Variants in SLC12A7 observed in about 807,000 individuals in gnomAD.
The protein encoded by SLC12A7 is solute carrier family 12 member 7, also known as K-Cl cotransporter 4.
SLC12A7 carries 100 observed loss-of-function variants against 120.6 expected under a neutral mutation model. That is an observed-to-expected ratio of 0.83 (90% CI 0.71 to 0.98). The LOEUF (loss-of-function observed/expected upper bound fraction) is 0.98. Ranked by LOEUF, SLC12A7 falls within the 50% of genes least tolerant of loss-of-function variation. The probability of loss-of-function intolerance (pLI) is 0.00; values close to 1 mark genes in which losing one functional copy is unlikely to be tolerated. For missense variants in SLC12A7, 1,373 were observed against 1,548.1 expected, an observed-to-expected ratio of 0.89 and a Z score of 1.90; for synonymous variants, 760 against 678.0, an observed-to-expected ratio of 1.12 and a Z score of -1.88.
At chr5:1,155,110 G>A in the SLC12A7 span, among the ~76,000 whole-genome samples, 3 of 34,382 alleles carry the variant, frequency 8.7e-5, no homozygotes, top group East Asian at 5.7e-4. Flanking sequence ...CAGGCCCCTC[G>A]CCCACCTCAG....
In SLC12A7 at chr5:1,084,552, G is replaced by A. The variant is rs868848085; in HGVS notation, c.918-596C>T. On this transcript the variant is annotated intron_variant, in intron 7 of 23. Transcript: ENST00000264930. ...TGTACGTGGAAAACAGTCTACACAG[G>A]GCCGTAGCGTCAAGCATCGGCAGGG... 9.8e-5 allele frequency among the ~76,000 whole-genome samples: 15 copies of A among 152,328 alleles called. No homozygotes were observed. The Middle Eastern group carries it at 0.01, about 104-fold the overall frequency.
intron 18 of SLC12A7, among the ~76,000 whole-genome samples, chr5:1,064,693 GTGAGGGGACGGTGAGGGGA>G (rs1736732505): frequency 6.6e-6 from 1 of 151,652 alleles, no homozygotes; most frequent in Admixed American, 6.6e-5. Flanking sequence ...TGAAGGGACA[GTGAGGGGACGGTGAGGGGA>G]CAGCGAGGAG....
chr5:1,110,992 C>A (rs1742957195), intron 1 of SLC12A7, among the ~76,000 whole-genome samples: 1 of 152,228 alleles, frequency 6.6e-6, no homozygotes, highest in Admixed American at 6.5e-5. Flanking sequence ...CTGGACAGAC[C>A]TCACCTTCCT....
At position 1,073,712 on chromosome 5, in the gene SLC12A7, C is replaced by T; in HGVS notation, c.2162G>A (p.Gly721Asp). The change falls in exon 17 of 24, where the codon GGC becomes GAC. Residue 721 changes from glycine (G) to aspartate (D), a missense_variant. Coordinates refer to ENST00000264930, the MANE Select transcript of SLC12A7 (RefSeq NM_006598.3). Reference protein sequence around the residue: ...LLSFTSQLKAGKGLTIVGSVL... With the variant: ...LLSFTSQLKADKGLTIVGSVL... The stretch of plus-strand genomic sequence containing the variant: ...CGAGCCCACGATGGTCAGGCCCTTG[C>T]CGGCCTTCAGCTGCGACGTGAAGGA... 1.9e-6 allele frequency: 3 copies of T among 1,581,190 alleles called. No homozygotes were observed. The highest frequency in any genetic ancestry group is 2.6e-6 in the Non-Finnish European group (3 of 1,161,780).
At chr5:1,145,922 A>T in the SLC12A7 span, among the ~76,000 whole-genome samples, 2 of 152,148 alleles carry the variant, frequency 1.3e-5, 1 homozygote, top group South Asian at 4.1e-4. This position sits in a 1 kb window ranked among gnomAD's most constrained non-coding sequence, Gnocchi z 4.4. Context: ...CAGTGGCATT[A>T]AATGCAGTCA....
intron 20 of SLC12A7, among the ~76,000 whole-genome samples, chr5:1,062,514 A>G (rs889566998): frequency 2.6e-5 from 4 of 152,216 alleles, no homozygotes; most frequent in African/African-American, 7.2e-5. Flanking sequence ...AAGGTCCTGC[A>G]GGGCAAGAGG....
At chr5:1,127,164 G>A in the SLC12A7 span, among the ~76,000 whole-genome samples, 3 of 152,280 alleles carry the variant, frequency 2.0e-5, no homozygotes, top group Admixed American at 6.5e-5. Flanking sequence ...ACAGGCACAC[G>A]CCACCACGCC....
At chr5:1,154,567 T>C in the SLC12A7 span, among the ~76,000 whole-genome samples, 1 of 151,836 alleles carries the variant, frequency 6.6e-6, no homozygotes, top group South Asian at 2.1e-4. Flanking sequence ...GCGTGGACAC[T>C]CACATGGCTC....
the SLC12A7 span, among the ~76,000 whole-genome samples, chr5:1,122,541 G>A: frequency 3.9e-5 from 6 of 152,120 alleles, no homozygotes; most frequent in East Asian, 3.8e-4. Context: ...TCCGACGGAC[G>A]AACCGCATTC....
At chr5:1,078,430 C>A (rs2150839030) in intron 11 of SLC12A7, 1 of 576,214 alleles carries the variant, frequency 1.7e-6, no homozygotes, top group African/African-American at 1.9e-5. Context: ...CAAGCCTCAC[C>A]CGTCCACACC....
At chr5:1,079,013 T>C (rs1177866211) in intron 10 of SLC12A7, among the ~76,000 whole-genome samples, 1 of 152,092 alleles carries the variant, frequency 6.6e-6, no homozygotes, top group Non-Finnish European at 1.5e-5. Context: ...CCTGGCCTGG[T>C]GCTTGACCGC....
intron 1 of SLC12A7, among the ~76,000 whole-genome samples, chr5:1,100,573 C>T (rs1273154494): frequency 1.3e-5 from 2 of 152,240 alleles, no homozygotes; most frequent in Admixed American, 6.5e-5. Flanking sequence ...GAGCTGCGCT[C>T]GTGGGTAACA....
At chr5:1,114,124 C>A (rs1743221456), upstream of SLC12A7, among the ~76,000 whole-genome samples, 1 of 152,234 alleles carries the variant, frequency 6.6e-6, no homozygotes. Flanking sequence ...GAGGAGGAAA[C>A]TGAGGCCCAG....
Position 1,050,543 on chromosome 5 carries a change from G to A in SLC12A7, c.*1817C>T, listed in dbSNP as rs934580546. 3.6e-5 allele frequency: 10 copies of A among 279,774 alleles called. No homozygotes were observed. Among genetic ancestry groups the A allele is most frequent in the African/African-American group, 1.5e-4 (7 of 45,934 alleles). 17.3% of individuals were successfully genotyped at this position (279,774 alleles called of 1,614,324 possible). On this transcript the variant is annotated 3_prime_UTR_variant, in exon 24 of 24. Coordinates refer to ENST00000264930, the MANE Select transcript of SLC12A7 (RefSeq NM_006598.3). ...GCGTGCAGAGGCTGCAGCCCAGGGC[G>A]GGGGCAGAGCTGAGCCCTCAGGAGG...
chr5:1,133,062 C>T, the SLC12A7 span, among the ~76,000 whole-genome samples: 16 of 152,266 alleles, frequency 1.1e-4, no homozygotes, highest in African/African-American at 3.4e-4. Flanking sequence ...GGATTACAGG[C>T]GTGCGTCACC....
intron 4 of SLC12A7, 119 bp downstream of exon 4, chr5:1,088,863 G>A (rs567966031): frequency 2.7e-5 from 36 of 1,339,948 alleles, no homozygotes; most frequent in South Asian, 2.2e-4. Context: ...CCTACTGTCC[G>A]GCTGCCACCG....
At chr5:1,117,794 G>T in the SLC12A7 span, among the ~76,000 whole-genome samples, 1 of 152,186 alleles carries the variant, frequency 6.6e-6, no homozygotes, top group East Asian at 1.9e-4. This position sits in a 1 kb window ranked among gnomAD's most constrained non-coding sequence, Gnocchi z 4.5. Flanking sequence ...GATCCCTGCC[G>T]GGCGCGGTAG....
upstream of SLC12A7, among the ~76,000 whole-genome samples, chr5:1,114,727 G>A (rs1310611110): frequency 6.6e-6 from 1 of 152,126 alleles, no homozygotes; most frequent in South Asian, 2.1e-4. Context: ...CCAGGGGACT[G>A]CTGGGATCCG....
chr5:1,152,707 G>A, the SLC12A7 span, among the ~76,000 whole-genome samples: 2 of 152,086 alleles, frequency 1.3e-5, no homozygotes, highest in African/African-American at 4.8e-5. Context: ...CCTCAGCACC[G>A]ACACACCCCA....
Sources: gnomAD v4.1 joint callset for allele counts (sites outside exome capture counted in the v4.1 genomes callset) on GRCh38, gnomAD v4.1.1 for gene constraint, Gnocchi (gnomAD v3.1) non-coding constraint, MANE v1.5 for transcripts, NCBI Gene and HGNC (gene_info 2026-07-23, HGNC 2026-07-21) for gene names.